The following NEGR1 variants were observed in gnomAD, a reference collection of about 807,000 sequenced individuals.
NEGR1 encodes the protein neuronal growth regulator 1.
In NEGR1, 10 loss-of-function variants were observed where a neutral mutation model predicts 40.9. The observed-to-expected ratio is 0.24, with a 90% CI of 0.15 to 0.42. NEGR1 has a LOEUF of 0.42. Among genes scored for constraint, NEGR1 ranks in the 10% least tolerant of loss-of-function variants. The probability of loss-of-function intolerance (pLI) is 1.00; values close to 1 mark genes in which losing one functional copy is unlikely to be tolerated. For synonymous variants in NEGR1, 185 were observed against 166.8 expected, an observed-to-expected ratio of 1.11 and a Z score of -0.84; for missense variants, 352 against 438.9, an observed-to-expected ratio of 0.80 and a Z score of 1.77.
chr1:72,006,984 G>T (rs1212385132), intron 1 of NEGR1, among the ~76,000 whole-genome samples: 1 of 152,044 alleles, frequency 6.6e-6, no homozygotes, highest in Admixed American at 6.6e-5. Flanking sequence ...TTTTAATGAG[G>T]TTATATTTCT....
chr1:72,250,214 T>C (rs1035205814), intron 1 of NEGR1, among the ~76,000 whole-genome samples: 10 of 152,092 alleles, frequency 6.6e-5, no homozygotes, highest in Non-Finnish European at 1.3e-4. Flanking sequence ...AGTCCCACAG[T>C]ATCATAAGAC....
At chr1:71,769,915 G>A (rs1370523502) in intron 3 of NEGR1, among the ~76,000 whole-genome samples, 1 of 152,114 alleles carries the variant, frequency 6.6e-6, no homozygotes, top group African/African-American at 2.4e-5. Context: ...TGTGAATTGG[G>A]TACAATTGTT....
At chr1:71,756,359 C>T (rs1358390452) in intron 3 of NEGR1, among the ~76,000 whole-genome samples, 1 of 145,014 alleles carries the variant, frequency 6.9e-6, no homozygotes, top group Admixed American at 7.1e-5. Flanking sequence ...GCACTGCTTT[C>T]ACAACTTCCC....
chr1:71,486,241 A>AT (rs748972043), intron 6 of NEGR1, among the ~76,000 whole-genome samples: 5 of 151,456 alleles, frequency 3.3e-5, no homozygotes, highest in East Asian at 3.9e-4. Context: ...GACATGGTAT[A>AT]TTTTTTCTGG....
intron 3 of NEGR1, among the ~76,000 whole-genome samples, chr1:71,719,290 A>G (rs1479076097): frequency 1.3e-5 from 2 of 152,246 alleles, no homozygotes; most frequent in African/African-American, 4.8e-5. Context: ...TTATTCATAC[A>G]TAACAAATGT....
chr1:71,722,367 T>G (rs1490117285), intron 3 of NEGR1, among the ~76,000 whole-genome samples: 1 of 152,132 alleles, frequency 6.6e-6, no homozygotes, highest in Non-Finnish European at 1.5e-5. Flanking sequence ...ATTTAATTTA[T>G]CCACGTATTA....
rs532266300 is a variant in NEGR1, at chr1:71,939,060, C to G, written c.177-3749G>C. ...GATGCTTTTCTGACTTTACCTCCCACTCCTATTTTCCACTTTACTCTGCTC... is the reference window on the plus strand; with the variant it reads ...GATGCTTTTCTGACTTTACCTCCCAGTCCTATTTTCCACTTTACTCTGCTC... On this transcript the variant is annotated intron_variant, in intron 1 of 6. Transcript: ENST00000357731. Among the ~76,000 whole-genome samples, 422 of 152,232 alleles carry G rather than the reference C, an allele frequency of 2.8e-3. 3 individuals are homozygous for G. Among genetic ancestry groups the G allele is most frequent in the African/African-American group, 9.8e-3 (408 of 41,548 alleles).
chr1:71,780,613 C>A (rs1023560299), intron 2 of NEGR1, among the ~76,000 whole-genome samples: 1 of 152,186 alleles, frequency 6.6e-6, no homozygotes, highest in Non-Finnish European at 1.5e-5. Flanking sequence ...TTTAAAACCT[C>A]CATATCCATT....
intron 1 of NEGR1, among the ~76,000 whole-genome samples, chr1:72,239,144 T>G (rs1407998731): frequency 1.3e-5 from 2 of 151,820 alleles, no homozygotes; most frequent in Non-Finnish European, 2.9e-5. Context: ...AAACAATAAA[T>G]TCAAAGATGC....
chr1:71,456,333 C>T (rs1456418379), intron 6 of NEGR1, among the ~76,000 whole-genome samples: 2 of 152,104 alleles, frequency 1.3e-5, no homozygotes, highest in African/African-American at 4.8e-5. Context: ...GTCTCAAACT[C>T]CTGGTCTCAA....
chr1:71,950,256 C>T (rs992748913), intron 1 of NEGR1, among the ~76,000 whole-genome samples: 2 of 151,896 alleles, frequency 1.3e-5, no homozygotes, highest in Non-Finnish European at 1.5e-5. Flanking sequence ...ATTGTTCTTA[C>T]ATTTACCTGC....
intron 1 of NEGR1, among the ~76,000 whole-genome samples, chr1:72,008,619 G>A (rs181895204): frequency 2.0e-5 from 3 of 152,116 alleles, no homozygotes; most frequent in Admixed American, 2.0e-4. Flanking sequence ...TTATAATTCT[G>A]AACTTCTATA....
At chr1:72,159,362 A>G (rs1322457613) in intron 1 of NEGR1, among the ~76,000 whole-genome samples, 3 of 152,126 alleles carry the variant, frequency 2.0e-5, no homozygotes, top group Admixed American at 6.6e-5. Flanking sequence ...CAAGACCCTG[A>G]ATATCACTCA....
chr1:71,953,920 G>A (rs138904273), intron 1 of NEGR1, among the ~76,000 whole-genome samples: 1 of 151,992 alleles, frequency 6.6e-6, no homozygotes, highest in African/African-American at 2.4e-5. Context: ...AAAAAATAAT[G>A]TGACTTAATT....
At chr1:71,441,250 G>A (rs903010620) in intron 6 of NEGR1, among the ~76,000 whole-genome samples, 18 of 152,164 alleles carry the variant, frequency 1.2e-4, no homozygotes, top group African/African-American at 4.1e-4. Context: ...AGTGTGGCTG[G>A]AACAGAAAAT....
chr1:71,996,262 AT>A (rs1357494104), intron 1 of NEGR1, among the ~76,000 whole-genome samples: 1 of 152,134 alleles, frequency 6.6e-6, no homozygotes, highest in African/African-American at 2.4e-5. Context: ...TAATAAACAA[AT>A]ATACACATTC....
chr1:72,101,357 G>C (rs9326096), intron 1 of NEGR1, among the ~76,000 whole-genome samples: 5,137 of 152,184 alleles, frequency 0.034, 288 homozygotes, highest in African/African-American at 0.12. Flanking sequence ...TCGCTCAACA[G>C]AGACCATAAT....
intron 2 of NEGR1, among the ~76,000 whole-genome samples, chr1:71,786,392 A>G (rs1656909015): frequency 6.6e-6 from 1 of 152,158 alleles, no homozygotes; most frequent in South Asian, 2.1e-4. Flanking sequence ...CCTTCTCAAC[A>G]CTATTTATAG....
chr1:71,413,043 C>T (rs1294462515), intron 6 of NEGR1, among the ~76,000 whole-genome samples: 1 of 144,946 alleles, frequency 6.9e-6, no homozygotes, highest in African/African-American at 2.5e-5. Context: ...GACTGTAGAG[C>T]TGGATGACAT....
Sources: gnomAD v4.1 joint callset for allele counts (sites outside exome capture counted in the v4.1 genomes callset) on GRCh38, gnomAD v4.1.1 for gene constraint, MANE v1.5 for transcripts, NCBI Gene and HGNC (gene_info 2026-07-23, HGNC 2026-07-21) for gene names.